Variants in ANK1 observed in about 807,000 individuals in gnomAD.
ANK1 encodes the protein ankyrin 1.
Under a neutral mutation model 210.4 loss-of-function variants are expected in ANK1, and 51 were observed. The ratio of observed to expected loss-of-function variants is 0.24; its 90% confidence interval spans 0.19 to 0.31. The LOEUF (loss-of-function observed/expected upper bound fraction) is 0.31. Among genes scored for constraint, ANK1 ranks in the 10% least tolerant of loss-of-function variants. The pLI is 1.00. For missense variants in ANK1, 2,051 were observed against 2,504.4 expected, an observed-to-expected ratio of 0.82 and a Z score of 3.86; for synonymous variants, 967 against 1,025.9, an observed-to-expected ratio of 0.94 and a Z score of 1.10.
intron 2 of ANK1, among the ~76,000 whole-genome samples, chr8:41,747,768 C>A (rs1436341989): frequency 6.6e-6 from 1 of 152,172 alleles, no homozygotes; most frequent in Non-Finnish European, 1.5e-5. Context: ...CATTCCGGAT[C>A]GTTCCTGAAG....
chr8:41,771,806 C>T (rs1412465799), intron 1 of ANK1, among the ~76,000 whole-genome samples: 1 of 152,168 alleles, frequency 6.6e-6, no homozygotes, highest in Admixed American at 6.5e-5. Flanking sequence ...GCACTTAAAC[C>T]CCCAGCTCGC....
At chr8:41,876,172 CT>C (rs1253018852) in intron 1 of ANK1, among the ~76,000 whole-genome samples, 1 of 152,128 alleles carries the variant, frequency 6.6e-6, no homozygotes. Flanking sequence ...CGAGGCGGCG[CT>C]CCCCAGGCGG....
At chr8:41,794,351 T>C (rs896949698) in intron 1 of ANK1, among the ~76,000 whole-genome samples, 1 of 152,194 alleles carries the variant, frequency 6.6e-6, no homozygotes, top group Admixed American at 6.5e-5. Context: ...CTCAGGACCT[T>C]TGCATGTGCT....
In ANK1 at chr8:41,664,762, C is replaced by T. The variant is rs1398552857; in HGVS notation, c.5395-1020G>A. On this transcript the variant is annotated intron_variant, in intron 39 of 42. Transcript: ENST00000289734. Reference sequence around the variant, plus strand: ...GCGTCCCCTCAGCCCCGGCCTCCGGCGCCCACACCACCAGCCCTGCCGGCC... The same window carrying T: ...GCGTCCCCTCAGCCCCGGCCTCCGGTGCCCACACCACCAGCCCTGCCGGCC... 8 of 1,549,032 alleles carry T rather than the reference C, an allele frequency of 5.2e-6. No homozygotes were observed. In the East Asian group the frequency reaches 9.6e-5, roughly 19 times the overall value.
chr8:41,683,035 G>GAC (rs563679736), intron 37 of ANK1, among the ~76,000 whole-genome samples: 139 of 151,972 alleles, frequency 9.1e-4, no homozygotes, highest in African/African-American at 3.1e-3. Flanking sequence ...AACACCCACG[G>GAC]ACACACACAC....
At chr8:41,871,563 C>T (rs1815509364) in intron 1 of ANK1, among the ~76,000 whole-genome samples, 1 of 152,140 alleles carries the variant, frequency 6.6e-6, no homozygotes, top group African/African-American at 2.4e-5. Flanking sequence ...GATGTTTCCA[C>T]CAGCCAAGAA....
intron 1 of ANK1, among the ~76,000 whole-genome samples, chr8:41,759,936 G>C (rs1326943019): frequency 1.3e-5 from 2 of 152,184 alleles, no homozygotes; most frequent in African/African-American, 4.8e-5. Context: ...GATGCAGGTA[G>C]TGTGGCTCAG....
chr8:41,685,082 C>A (rs1166846889), intron 36 of ANK1, among the ~76,000 whole-genome samples: 1 of 152,140 alleles, frequency 6.6e-6, no homozygotes, highest in Non-Finnish European at 1.5e-5. Flanking sequence ...GTGCATGCCA[C>A]CACGCCCTGC....
At chr8:41,748,035 T>A (rs1836620700) in intron 2 of ANK1, among the ~76,000 whole-genome samples, 1 of 152,202 alleles carries the variant, frequency 6.6e-6, no homozygotes, top group Admixed American at 6.5e-5. Context: ...TTCACCTCTC[T>A]GAGTCTCCCC....
intron 1 of ANK1, among the ~76,000 whole-genome samples, chr8:41,782,323 G>A (rs1408740520): frequency 6.6e-6 from 1 of 152,348 alleles, no homozygotes; most frequent in South Asian, 2.1e-4. Flanking sequence ...ACCGTGTTGG[G>A]GGAGGCTTTG....
At position 41,665,292 on chromosome 8, in the gene ANK1, G is replaced by A. The variant is rs28411394; in HGVS notation, c.5395-1550C>T. 3.2e-5 allele frequency: 47 copies of A among 1,459,120 alleles called. No homozygotes were observed. In the East Asian group the frequency reaches 8.7e-4, roughly 27 times the overall value. The allele number at this position is 1,459,120 out of a possible 1,614,324, so 90.4% of individuals were successfully genotyped here. A position where few individuals can be genotyped will look rare whatever the true frequency, so the allele number is the denominator to read the frequency against. On this transcript the variant is annotated intron_variant, in intron 39 of 42. Transcript: ENST00000289734. ...CCCTGAGTGGCCCGGGTGACATCAC[G>A]CTCCTATAATTTTACCTCCCCAAAC...
At chr8:41,664,423 C>T (rs1201229098) in intron 39 of ANK1, among the ~76,000 whole-genome samples, 6 of 152,116 alleles carry the variant, frequency 3.9e-5, no homozygotes, top group Non-Finnish European at 7.3e-5. Context: ...GCCCAGGTTA[C>T]AGTGAGCCAT....
chr8:41,871,454 T>G (rs1430885688), intron 1 of ANK1, among the ~76,000 whole-genome samples: 2 of 152,136 alleles, frequency 1.3e-5, no homozygotes, highest in Admixed American at 1.3e-4. Context: ...ATTGCAGATG[T>G]GAGCCACCAC....
rs1432628425 is a variant in ANK1 at position 41,719,692 on chromosome 8, T to A, written c.1076A>T (p.Asp359Val). ...GHHRVAKVLL[D>V]KGAKPNSRAL... ...TCTGGAGTTGGGTTTGGCCCCTTTA[T>A]CCAGAAGGACCTTAGCCACCCTGTG... Residue 359 changes from aspartate to valine, a missense_variant, in exon 10 of 43, where the codon GAT (aspartate) becomes GTT (valine). Physicochemically the swap from Asp to Val is radical, Grantham distance 152. Transcript: ENST00000289734. The A allele has an allele frequency of 6.2e-7, 1 of 1,614,064 alleles. No homozygotes were observed. The highest frequency in any genetic ancestry group is 8.5e-7 in the Non-Finnish European group (1 of 1,180,034).
At chr8:41,892,380 C>CACACA (rs1819616008) in intron 1 of ANK1, among the ~76,000 whole-genome samples, 1 of 152,180 alleles carries the variant, frequency 6.6e-6, no homozygotes, top group Non-Finnish European at 1.5e-5. Context: ...GAAAGACTGA[C>CACACA]GGAGCTGCCT....
chr8:41,661,559 C>G lies in ANK1; in HGVS notation c.5550G>C (p.Glu1850Asp). ...ADAAQEHEEV[E>D]LRGSGLQPDL... Reference sequence around the variant, plus strand: ...CCGGCTGTAGGCCACTCCCTCTCAGCTCCACCTGCAGACAGCAGCAGAGAC... The same window carrying G: ...CCGGCTGTAGGCCACTCCCTCTCAGGTCCACCTGCAGACAGCAGCAGAGAC... Residue 1850 changes from glutamate (E) to aspartate (D), a missense_variant, in exon 42 of 43, where the codon GAG becomes GAC. Glu to Asp is a conservative substitution (Grantham distance 45). Coordinates refer to ENST00000289734, the MANE Select transcript of ANK1 (RefSeq NM_000037.4). 1 of 1,614,002 alleles carries G rather than the reference C, an allele frequency of 6.2e-7. No individual in the cohort carries two copies. The highest frequency in any genetic ancestry group is 8.5e-7 in the Non-Finnish European group (1 of 1,180,048).
intron 2 of ANK1, among the ~76,000 whole-genome samples, chr8:41,756,920 T>C (rs765649149): frequency 2.6e-5 from 4 of 152,140 alleles, no homozygotes; most frequent in Non-Finnish European, 5.9e-5. Flanking sequence ...CTATGCTAAA[T>C]AAAAGAAGCC....
chr8:41,850,463 T>C (rs1811036228), intron 1 of ANK1, among the ~76,000 whole-genome samples: 1 of 152,186 alleles, frequency 6.6e-6, no homozygotes, highest in South Asian at 2.1e-4. Flanking sequence ...TAAATAGTCA[T>C]TTTTAATCTG....
At chr8:41,817,277 G>T (rs1183498657) in intron 1 of ANK1, among the ~76,000 whole-genome samples, 2 of 152,158 alleles carry the variant, frequency 1.3e-5, no homozygotes, top group African/African-American at 2.4e-5. Context: ...AGAAGTCTAG[G>T]ATAAATCTAT....
Sources: allele counts gnomAD v4.1 joint callset (sites outside exome capture counted in the v4.1 genomes callset), GRCh38; gene constraint gnomAD v4.1.1; transcripts MANE v1.5; gene names NCBI Gene and HGNC (gene_info 2026-07-23, HGNC 2026-07-21).